C21orf91: variants seen among roughly 807,000 people sequenced by gnomAD.
The protein encoded by C21orf91 is chromosome 21 open reading frame 91.
C21orf91 carries 26 observed loss-of-function variants against 32.9 expected under a neutral mutation model. The ratio of observed to expected loss-of-function variants is 0.79; its 90% CI spans 0.58 to 1.10. The LOEUF is 1.10. Among genes scored for constraint, C21orf91 ranks in the 50% least tolerant of loss-of-function variants. The pLI, the probability that C21orf91 is intolerant of heterozygous loss-of-function variation, is 0.00. For missense variants in C21orf91, 310 were observed against 341.3 expected, an observed-to-expected ratio of 0.91 and a Z score of 0.72; for synonymous variants, 126 against 120.4, an observed-to-expected ratio of 1.05 and a Z score of -0.31.
At chr21:17,812,963 A>G (rs1050216945) in intron 2 of C21orf91, among the ~76,000 whole-genome samples, 2 of 152,194 alleles carry the variant, frequency 1.3e-5, no homozygotes, top group South Asian at 4.1e-4. Flanking sequence ...CTAAGAAATA[A>G]ATCTGTGTTC....
intron 2 of C21orf91, among the ~76,000 whole-genome samples, chr21:17,812,553 T>TA (rs1446161792): frequency 4.6e-5 from 7 of 152,308 alleles, no homozygotes; most frequent in African/African-American, 1.7e-4. Context: ...CTCACGCCTG[T>TA]AATCCCAGCA....
intron 2 of C21orf91, among the ~76,000 whole-genome samples, chr21:17,812,424 T>C (rs2062638215): frequency 6.6e-6 from 1 of 152,168 alleles, no homozygotes; most frequent in African/African-American, 2.4e-5. Context: ...TGGGGTCTAA[T>C]AGGTGATTAG....
intron 4 of C21orf91, among the ~76,000 whole-genome samples, chr21:17,794,971 C>T (rs2062506722): frequency 1.4e-5 from 2 of 146,570 alleles, no homozygotes; most frequent in South Asian, 4.3e-4. Context: ...CACCACTGCA[C>T]TGCAGCTAGG....
chr21:17,790,445 G>A lies in C21orf91; in HGVS notation c.*2970C>T, dbSNP rs1006549318. The A allele has an allele frequency of 1.3e-5, 2 of 152,012 alleles. No individual in the cohort carries two copies. Among genetic ancestry groups the A allele is most frequent in the African/African-American group, 4.8e-5 (2 of 41,416 alleles). 9.4% of individuals were successfully genotyped at this position (152,012 alleles called of 1,614,324 possible). A position where few individuals can be genotyped will look rare whatever the true frequency, so the allele number is the denominator to read the frequency against. On this transcript the variant is annotated 3_prime_UTR_variant, in exon 5 of 5. Transcript: ENST00000284881. Reference sequence around the variant, plus strand: ...AAAATGAAAAACCAAATCTCAAGATGCCTGTCAAGATATATTTGACTATAT... The same window carrying A: ...AAAATGAAAAACCAAATCTCAAGATACCTGTCAAGATATATTTGACTATAT...
chr21:17,808,621 G>C (rs1023017846), intron 2 of C21orf91, among the ~76,000 whole-genome samples: 5 of 152,214 alleles, frequency 3.3e-5, no homozygotes, highest in Non-Finnish European at 5.9e-5. Context: ...TAACCTCACT[G>C]TATCTTGGAA....
chr21:17,800,567 T>C (rs1487601604), intron 2 of C21orf91, among the ~76,000 whole-genome samples: 3 of 152,220 alleles, frequency 2.0e-5, no homozygotes, highest in Admixed American at 6.5e-5. Flanking sequence ...TAAATGCATT[T>C]ACAAGCGTAA....
chr21:17,818,103 T>C lies in C21orf91; in HGVS notation c.127+89A>G, dbSNP rs1353656057. ...TCATACTTAGCACAATTTCCAATCATTGAAGACATTTTAGTTTTACCTTAC... is the reference window on the plus strand; with the variant it reads ...TCATACTTAGCACAATTTCCAATCACTGAAGACATTTTAGTTTTACCTTAC... On this transcript the variant is annotated intron_variant, in intron 2 of 4. Coordinates refer to ENST00000284881, the MANE Select transcript of C21orf91 (RefSeq NM_001100420.2). 10 of 866,154 alleles carry C rather than the reference T, an allele frequency of 1.2e-5. No homozygotes were observed. In the East Asian group the frequency reaches 2.4e-4, roughly 20 times the overall value. The allele number at this position is 866,154 out of a possible 1,614,324, so 53.7% of individuals were successfully genotyped here. A position where few individuals can be genotyped will look rare whatever the true frequency, so the allele number is the denominator to read the frequency against.
chr21:17,812,874 T>C (rs1363628934), intron 2 of C21orf91, among the ~76,000 whole-genome samples: 1 of 152,134 alleles, frequency 6.6e-6, no homozygotes, highest in Non-Finnish European at 1.5e-5. Flanking sequence ...TTTAGCTCTC[T>C]CTTGACTTCC....
In C21orf91 at chr21:17,796,744, T is replaced by C; in HGVS notation, c.502A>G (p.Thr168Ala). The change falls in exon 3 of 5, where the codon ACA (threonine) becomes GCA (alanine). Residue 168 changes from threonine (T) to alanine (A), a missense_variant. Physicochemically the swap from Thr to Ala is moderately conservative, Grantham distance 58. Transcript: ENST00000284881. ...TQRILEQREN[T>A]DFGLSMLQDS... The stretch of plus-strand genomic sequence containing the variant: ...TGTAACATAGAAAGTCCAAAGTCTG[T>C]ATTTTCCCTCTGCTCCAAAATTCTT... 5 of 1,614,162 alleles carry C rather than the reference T, an allele frequency of 3.1e-6. No individual in the cohort carries two copies. The highest frequency in any genetic ancestry group is 3.4e-6 in the Non-Finnish European group (4 of 1,179,996).
At chr21:17,810,885 T>C (rs1313300955) in intron 2 of C21orf91, 3 of 152,240 alleles carry the variant, frequency 2.0e-5, no homozygotes, top group Admixed American at 2.0e-4. Context: ...GATTACAATC[T>C]ATATGGAAAT....
At chr21:17,799,088 TA>T (rs1263216838) in intron 2 of C21orf91, among the ~76,000 whole-genome samples, 2 of 152,158 alleles carry the variant, frequency 1.3e-5, no homozygotes, top group African/African-American at 4.8e-5. Flanking sequence ...CTTTAGCATA[TA>T]AAAAAGGTTG....
chr21:17,801,274 G>GTTCTTTTTTTTTTT lies in C21orf91; in HGVS notation c.128-4157_128-4156insAAAAAAAAAAAGAA, dbSNP rs1278315799. On this transcript the variant is annotated intron_variant, in intron 2 of 4. Coordinates refer to ENST00000284881, the MANE Select transcript of C21orf91 (RefSeq NM_001100420.2). ...AGGAACAGAAAACCAAACACCGTAT[G>GTTCTTTTTTTTTTT]TTTTTTTTTTTTTTTAGACGGAGTC... Among the ~76,000 whole-genome samples the GTTCTTTTTTTTTTT allele has an allele frequency of 5.0e-5, 7 of 140,412 alleles. No individual in the cohort carries two copies. In the East Asian group the frequency reaches 1.4e-3, roughly 29 times the overall value. 92.1% of individuals were successfully genotyped at this position (140,412 alleles called of 152,430 possible).
rs2062592075 is a variant in C21orf91, at chr21:17,806,120, C to CGA, written c.128-9003_128-9002insTC. 4.6e-5 allele frequency among the ~76,000 whole-genome samples: 7 copies of CGA among 152,340 alleles called. No individual in the cohort carries two copies. In the South Asian group the frequency reaches 1.4e-3, roughly 32 times the overall value. On this transcript the variant is annotated intron_variant, in intron 2 of 4. Coordinates refer to ENST00000284881, the MANE Select transcript of C21orf91 (RefSeq NM_001100420.2). ...TTTGAAAGCAAGAAATGTGATAACTCTGTCTCTCTGCCTTTCATCTCCTCA... is the reference window on the plus strand; with the variant it reads ...TTTGAAAGCAAGAAATGTGATAACTCGATGTCTCTCTGCCTTTCATCTCCTCA...
intron 2 of C21orf91, among the ~76,000 whole-genome samples, chr21:17,815,245 C>T (rs1329598360): frequency 6.6e-6 from 1 of 152,090 alleles, no homozygotes; most frequent in Non-Finnish European, 1.5e-5. Context: ...TGTATGGACT[C>T]AAAACTAGCT....
intron 2 of C21orf91, among the ~76,000 whole-genome samples, chr21:17,811,759 C>A (rs532153517): frequency 4.6e-5 from 7 of 152,156 alleles, no homozygotes; most frequent in Middle Eastern, 6.8e-3. Flanking sequence ...GACTCTGAAA[C>A]AGAAAGTCAT....
At chr21:17,815,961 C>G (rs890728561) in intron 2 of C21orf91, among the ~76,000 whole-genome samples, 8 of 152,006 alleles carry the variant, frequency 5.3e-5, no homozygotes, top group Non-Finnish European at 1.2e-4. Flanking sequence ...TGCCGGCCTA[C>G]AAAAATCTTA....
At chr21:17,817,212 T>C (rs1333138161) in intron 2 of C21orf91, among the ~76,000 whole-genome samples, 1 of 152,230 alleles carries the variant, frequency 6.6e-6, no homozygotes, top group Non-Finnish European at 1.5e-5. Context: ...TAATCTTCCA[T>C]CACATACTGT....
intron 2 of C21orf91, among the ~76,000 whole-genome samples, chr21:17,803,750 A>G (rs554371988): frequency 9.2e-5 from 14 of 152,306 alleles, no homozygotes; most frequent in Admixed American, 5.2e-4. Context: ...TTATTAGGAA[A>G]GACAATGGAT....
chr21:17,796,190 T>G (rs182168914), intron 3 of C21orf91, among the ~76,000 whole-genome samples: 1 of 152,288 alleles, frequency 6.6e-6, no homozygotes, highest in East Asian at 1.9e-4. Context: ...TTTAGTAAAA[T>G]GTCACATTTT....
Sources: gnomAD v4.1 joint callset for allele counts (sites outside exome capture counted in the v4.1 genomes callset) on GRCh38, gnomAD v4.1.1 for gene constraint, MANE v1.5 for transcripts, NCBI Gene and HGNC (gene_info 2026-07-23, HGNC 2026-07-21) for gene names.